HARS1: variants seen among roughly 807,000 people sequenced by gnomAD.
The protein encoded by HARS1 is histidyl-tRNA synthetase 1.
Under a neutral mutation model 63.6 loss-of-function variants are expected in HARS1, and 45 were observed. That is an observed-to-expected ratio of 0.71 (90% CI 0.56 to 0.91). The LOEUF (loss-of-function observed/expected upper bound fraction) is 0.91. Ranked by LOEUF, HARS1 falls within the 40% of genes least tolerant of loss-of-function variation. The pLI, the probability that HARS1 is intolerant of heterozygous loss-of-function variation, is 0.00. For synonymous variants in HARS1, 205 were observed against 247.1 expected (o/e 0.83, Z 1.60); for missense variants, 508 against 643.2 (o/e 0.79, Z 2.27).
At chr5:140,680,335 C>A (rs1758649233) in intron 3 of HARS1, among the ~76,000 whole-genome samples, 1 of 151,790 alleles carries the variant, frequency 6.6e-6, no homozygotes, top group Non-Finnish European at 1.5e-5. Context: ...TTAGTAGAGA[C>A]AGGGTTTCAC....
chr5:140,690,713 C>T (rs1759358067), intron 2 of HARS1, 142 bp downstream of exon 2: 2 of 650,220 alleles, frequency 3.1e-6, no homozygotes, highest in East Asian at 5.3e-5. Context: ...GAGTCCAGTC[C>T]AGCCCAGCGC....
intron 12 of HARS1, 96 bp downstream of exon 12, chr5:140,674,583 T>C (rs1758243615): frequency 7.3e-7 from 1 of 1,378,258 alleles, no homozygotes. Context: ...TGTACTAATA[T>C]CAATGCCAGG....
In HARS1 at chr5:140,679,525, G is replaced by A. The variant is rs1758592948; in HGVS notation, c.396+263C>T. 1 of 462,078 alleles carries A rather than the reference G, an allele frequency of 2.2e-6. No homozygotes were observed. Among genetic ancestry groups the A allele is most frequent in the Admixed American group, 3.9e-5 (1 of 25,374 alleles). The allele number at this position is 462,078 out of a possible 1,614,324, so 28.6% of individuals were successfully genotyped here. On this transcript the variant is annotated intron_variant, in intron 4 of 12. Transcript: ENST00000504156. This position sits in a 1 kb window ranked among gnomAD's most constrained non-coding sequence, Gnocchi z 4.3. ...GAATTTTGTTCACTGGACAGGGCAG[G>A]GGAGAGGTATTCTGGAGCCAGGGGA...
intron 12 of HARS1, 126 bp from the exon 13 acceptor site, chr5:140,674,454 A>G: frequency 2.4e-6 from 2 of 816,790 alleles, no homozygotes; most frequent in Non-Finnish European, 4.1e-6. Flanking sequence ...CTAATTAAAC[A>G]CCTCAGGCTA....
Position 140,676,388 on chromosome 5 carries a change from T to A in HARS1, c.1194+266A>T. The A allele has an allele frequency of 2.1e-6, 1 of 465,576 alleles. No individual in the cohort carries two copies. Among genetic ancestry groups the A allele is most frequent in the Non-Finnish European group, 3.9e-6 (1 of 259,234 alleles). The allele number at this position is 465,576 out of a possible 1,614,324, so 28.8% of individuals were successfully genotyped here. ...TTCCGTATCATGAGGAAGATCTAAGTCTTGGATACACCAGCCCAGGTTTGT... is the reference window on the plus strand; with the variant it reads ...TTCCGTATCATGAGGAAGATCTAAGACTTGGATACACCAGCCCAGGTTTGT... On this transcript the variant is annotated intron_variant, in intron 10 of 12. Coordinates refer to ENST00000504156, the MANE Select transcript of HARS1 (RefSeq NM_002109.6). The surrounding 1 kb of genome is among the most constrained non-coding windows in gnomAD (Gnocchi z 4.1).
rs74336073 is a variant in HARS1 at position 140,681,797 on chromosome 5, G to A, written c.300+1303C>T. Reference sequence around the variant, plus strand: ...CATGTTATGTCAACTTCCAGCCTCTGGAACTGTGAGAAAATAAATTTCTGT... The same window carrying A: ...CATGTTATGTCAACTTCCAGCCTCTAGAACTGTGAGAAAATAAATTTCTGT... On this transcript the variant is annotated intron_variant, in intron 3 of 12. Transcript: ENST00000504156. Among the ~76,000 whole-genome samples, 727 of 152,290 alleles carry A rather than the reference G, an allele frequency of 4.8e-3. 12 individuals are homozygous for A. The highest frequency in any genetic ancestry group is 0.016 in the African/African-American group (683 of 41,560).
rs751221500 is a variant in HARS1 at position 140,676,874 on chromosome 5, G to A, written c.974C>T (p.Ala325Val). ...DDKISFDLSL[A>V]RGLDYYTGVI... Reference sequence around the variant, plus strand: ...CCCAGTGTAGTAATCCAGCCCTCGAGCAAGGCTCAGGTCAAAGGAGATCTG... The same window carrying A: ...CCCAGTGTAGTAATCCAGCCCTCGAACAAGGCTCAGGTCAAAGGAGATCTG... The change falls in exon 10 of 13, where the codon GCT (alanine) becomes GTT (valine). Residue 325 changes from alanine to valine, a missense_variant. Transcript: ENST00000504156. This position sits in a 1 kb window ranked among gnomAD's most constrained non-coding sequence, Gnocchi z 4.1. 1.2e-6 allele frequency: 2 copies of A among 1,613,918 alleles called. No homozygotes were observed. Among genetic ancestry groups the A allele is most frequent in the Non-Finnish European group, 1.7e-6 (2 of 1,179,776 alleles).
intron 12 of HARS1, 69 bp from the exon 13 acceptor site, chr5:140,674,397 C>T: frequency 9.5e-7 from 1 of 1,053,034 alleles, no homozygotes. Context: ...TGCCTAGTTT[C>T]CTCTAGCCCT....
intron 5 of HARS1, chr5:140,678,300 C>T: frequency 2.3e-6 from 1 of 441,754 alleles, no homozygotes; most frequent in Non-Finnish European, 4.1e-6. Flanking sequence ...GCCATTTTCC[C>T]TATTCATCCA....
chr5:140,677,805 T>G, intron 6 of HARS1, 52 bp from the exon 7 acceptor site: 1 of 1,376,992 alleles, frequency 7.3e-7, no homozygotes. Context: ...TTACATGACC[T>G]GCAATAGTCA....
At chr5:140,680,794 C>T (rs1170253860) in intron 3 of HARS1, among the ~76,000 whole-genome samples, 1 of 150,848 alleles carries the variant, frequency 6.6e-6, no homozygotes, top group African/African-American at 2.4e-5. Flanking sequence ...GAGCAGAGAT[C>T]GCACCATTGC....
intron 3 of HARS1, 90 bp downstream of exon 3, chr5:140,683,010 C>T: frequency 8.0e-7 from 1 of 1,245,544 alleles, no homozygotes. Flanking sequence ...AGGAGTGGGC[C>T]CTTTGGACCC....
intron 2 of HARS1, chr5:140,684,238 T>G: frequency 4.5e-6 from 2 of 446,736 alleles, no homozygotes; most frequent in Non-Finnish European, 5.9e-6. Flanking sequence ...TGCAGTGAGC[T>G]GAGATAGTGC....
intron 12 of HARS1, 135 bp from the exon 13 acceptor site, chr5:140,674,463 T>C: frequency 1.2e-6 from 1 of 803,624 alleles, no homozygotes; most frequent in East Asian, 2.5e-5. Flanking sequence ...CACCTCAGGC[T>C]AGAGTGTGCC....
At position 140,679,855 on chromosome 5, in the gene HARS1, T is replaced by G; in HGVS notation, c.329A>C (p.Asp110Ala). 1 of 1,605,576 alleles carries G rather than the reference T, an allele frequency of 6.2e-7. No homozygotes were observed. Reference sequence around the variant, plus strand: ...CTTCAGGTCATAGATAAGCTTGGAGTCTTCCCCATACTTTCCCATCAGTGT... The same window carrying G: ...CTTCAGGTCATAGATAAGCTTGGAGGCTTCCCCATACTTTCCCATCAGTGT... Reference protein sequence around the residue: ...KETLMGKYGEDSKLIYDLKDQ... With the variant: ...KETLMGKYGEASKLIYDLKDQ... The change falls in exon 4 of 13, where the codon GAC (aspartate) becomes GCC (alanine). Residue 110 changes from aspartate (D) to alanine (A), a missense_variant. This residue lies in a region of HARS1 where 403 missense variants were observed against 548.7 expected (regional missense o/e 0.73). Coordinates refer to ENST00000504156, the MANE Select transcript of HARS1 (RefSeq NM_002109.6). The surrounding 1 kb of genome is among the most constrained non-coding windows in gnomAD (Gnocchi z 4.3).
chr5:140,684,574 G>C lies in HARS1; in HGVS notation c.181-1355C>G, dbSNP rs908258326. On this transcript the variant is annotated intron_variant, in intron 2 of 12. Coordinates refer to ENST00000504156, the MANE Select transcript of HARS1 (RefSeq NM_002109.6). ...GTTGAGAAGTTAAGTCATTTCTTAA[G>C]GCCATTCAGCATGTTCGTGGCAGTC... 4 of 209,520 alleles carry C rather than the reference G, an allele frequency of 1.9e-5. No individual in the cohort carries two copies. The East Asian group carries it at 7.4e-4, about 39-fold the overall frequency. 13.0% of individuals were successfully genotyped at this position (209,520 alleles called of 1,614,324 possible).
rs1758248684 is a variant in HARS1, at chr5:140,674,668, A to G, written c.1458+11T>C. 6.2e-7 allele frequency: 1 copy of G among 1,613,840 alleles called. No homozygotes were observed. Among genetic ancestry groups the G allele is most frequent in the Non-Finnish European group, 8.5e-7 (1 of 1,179,882 alleles). ...TCTCTGTCCCTTAGCCTTCCTGCCC[A>G]CCTCCCTCACCTCTTCCCTGCTCGT... On this transcript the variant is annotated intron_variant, in intron 12 of 12. Transcript: ENST00000504156.
chr5:140,676,719 C>T lies in HARS1; in HGVS notation c.1129G>A (p.Val377Met). ...CCAATGCTGAGCCCCACACATGGCA[C>T]CTTGCGCCCTTTGGGGTCGAACATG... ...VGMFDPKGRKVPCVGLSIGVE... is the reference protein window; with the variant it reads ...VGMFDPKGRKMPCVGLSIGVE... The change falls in exon 10 of 13, where the codon GTG (valine) becomes ATG (methionine). Residue 377 changes from valine to methionine, a missense_variant. Around this residue, in one of 2 missense-constraint regions of HARS1, gnomAD observed 403 missense variants for 548.7 expected, o/e 0.73. Transcript: ENST00000504156. This position sits in a 1 kb window ranked among gnomAD's most constrained non-coding sequence, Gnocchi z 4.1. 6.2e-7 allele frequency: 1 copy of T among 1,614,234 alleles called. No homozygotes were observed. The highest frequency in any genetic ancestry group is 8.5e-7 in the Non-Finnish European group (1 of 1,180,046).
At chr5:140,675,316 AC>A (rs1303443293) in intron 10 of HARS1, 183 bp from the exon 11 acceptor site, 1 of 583,650 alleles carries the variant, frequency 1.7e-6, no homozygotes, top group Non-Finnish European at 3.1e-6. Flanking sequence ...GAACTGACTG[AC>A]TTGTACATAG....
Sources: gnomAD v4.1 joint callset for allele counts (sites outside exome capture counted in the v4.1 genomes callset) on GRCh38, gnomAD v4.1.1 for gene constraint, gnomAD v4.1.1 regional missense constraint, Gnocchi (gnomAD v3.1) non-coding constraint, MANE v1.5 for transcripts, NCBI Gene and HGNC (gene_info 2026-07-23, HGNC 2026-07-21) for gene names.